Variants in FAM135A observed in about 807,000 individuals in gnomAD.
FAM135A encodes protein FAM135A.
In FAM135A, 79 loss-of-function variants were observed where a neutral mutation model predicts 146.8. That is an observed-to-expected ratio of 0.54 (90% CI 0.45 to 0.65). FAM135A has a LOEUF of 0.65. Among genes scored for constraint, FAM135A ranks in the 30% least tolerant of loss-of-function variants. The pLI, the probability that FAM135A is intolerant of heterozygous loss-of-function variation, is 0.00. For missense variants in FAM135A, 1,623 were observed against 1,758.2 expected, an observed-to-expected ratio of 0.92 and a Z score of 1.38; for synonymous variants, 562 against 603.6, an observed-to-expected ratio of 0.93 and a Z score of 1.01.
At chr6:70,539,118 A>C (rs1442773692) in intron 20 of FAM135A, among the ~76,000 whole-genome samples, 1 of 151,890 alleles carries the variant, frequency 6.6e-6, no homozygotes, top group African/African-American at 2.4e-5. Context: ...TCTTCCCAGC[A>C]TATTTTTTCC....
chr6:70,420,334 A>G (rs1454704814), intron 2 of FAM135A, among the ~76,000 whole-genome samples: 1 of 152,160 alleles, frequency 6.6e-6, no homozygotes, highest in East Asian at 1.9e-4. Flanking sequence ...TGTGTCTCTT[A>G]GTTTTGGATG....
At chr6:70,519,603 A>G (rs935354504) in intron 12 of FAM135A, among the ~76,000 whole-genome samples, 6 of 152,258 alleles carry the variant, frequency 3.9e-5, no homozygotes, top group African/African-American at 7.2e-5. Context: ...ATCAGCAGCT[A>G]TCAATATCAA....
At chr6:70,467,700 C>T (rs147264093) in intron 5 of FAM135A, among the ~76,000 whole-genome samples, 6 of 151,786 alleles carry the variant, frequency 4.0e-5, no homozygotes, top group African/African-American at 1.4e-4. Flanking sequence ...TCTCCCACTC[C>T]CTTTCTCCTT....
At chr6:70,477,927 GAAAA>G (rs534682638) in intron 8 of FAM135A, among the ~76,000 whole-genome samples, 1 of 151,888 alleles carries the variant, frequency 6.6e-6, no homozygotes, top group African/African-American at 2.4e-5. Flanking sequence ...AGTTAACAAA[GAAAA>G]AATACCATCT....
chr6:70,557,713 A>AAG (rs1801154402), intron 21 of FAM135A: 1 of 151,270 alleles, frequency 6.6e-6, no homozygotes, highest in African/African-American at 2.4e-5. Flanking sequence ...AAAAAAAAAA[A>AAG]AAAAACCCTG....
At chr6:70,413,742 G>T in intron 1 of FAM135A, 40 bp downstream of exon 1, 1 of 936,908 alleles carries the variant, frequency 1.1e-6, no homozygotes, top group Non-Finnish European at 1.3e-6. Context: ...CCCGGCTCCC[G>T]ACACCCACGA....
intron 5 of FAM135A, among the ~76,000 whole-genome samples, chr6:70,470,312 G>A (rs1781354254): frequency 6.6e-6 from 1 of 152,090 alleles, no homozygotes; most frequent in Admixed American, 6.5e-5. Context: ...TCTCTCATTA[G>A]GTTATAGTCA....
At chr6:70,518,219 A>G (rs1019516660) in intron 12 of FAM135A, among the ~76,000 whole-genome samples, 3 of 152,238 alleles carry the variant, frequency 2.0e-5, no homozygotes, top group African/African-American at 7.2e-5. Flanking sequence ...TTCTGGATAG[A>G]AGATCAAACC....
At chr6:70,486,350 T>C in intron 10 of FAM135A, 2 of 948,466 alleles carry the variant, frequency 2.1e-6, no homozygotes, top group East Asian at 2.7e-5. Flanking sequence ...AATAATGTGG[T>C]ATGTTTCCAC....
At chr6:70,457,891 G>A (rs1039424867) in intron 5 of FAM135A, among the ~76,000 whole-genome samples, 2 of 151,728 alleles carry the variant, frequency 1.3e-5, no homozygotes, top group Non-Finnish European at 2.9e-5. Context: ...TCTTAGTTAT[G>A]TCTAGATTTA....
chr6:70,503,657 GTTCC>G (rs1008381136), intron 12 of FAM135A: 16 of 152,066 alleles, frequency 1.1e-4, no homozygotes, highest in African/African-American at 3.6e-4. Flanking sequence ...GTGATGATGA[GTTCC>G]TTCCATTTTA....
In FAM135A at chr6:70,502,830, G is replaced by C. The variant is rs368539590; in HGVS notation, c.1029+39G>C. On this transcript the variant is annotated intron_variant, in intron 12 of 21. Transcript: ENST00000418814. ...AAGTGATTTTAGAGCATTTTAATGA[G>C]TATTATTTACCTTTAGAAAATTTTT... is the stretch of plus-strand genomic sequence containing the variant. 4.2e-4 allele frequency: 659 copies of C among 1,568,764 alleles called. 2 individuals carry two copies. Among genetic ancestry groups the C allele is most frequent in the Non-Finnish European group, 5.3e-4 (610 of 1,157,336 alleles).
chr6:70,483,420 A>G (rs1262881931), intron 10 of FAM135A, among the ~76,000 whole-genome samples: 2 of 152,202 alleles, frequency 1.3e-5, no homozygotes, highest in South Asian at 2.1e-4. Context: ...TGTGGAAAAG[A>G]CAATCTTCTG....
chr6:70,448,717 G>C (rs1050384484), intron 4 of FAM135A, among the ~76,000 whole-genome samples: 1 of 152,348 alleles, frequency 6.6e-6, no homozygotes, highest in Non-Finnish European at 1.5e-5. Context: ...CCAGTCATTA[G>C]CATTGTTTCT....
chr6:70,540,857 A>G (rs1230372483), intron 20 of FAM135A, among the ~76,000 whole-genome samples: 2 of 152,154 alleles, frequency 1.3e-5, no homozygotes, highest in East Asian at 3.9e-4. Context: ...CAGGGTCCCT[A>G]TCTAGTTATC....
chr6:70,558,304 TCCTA>T (rs1801290381), intron 21 of FAM135A, among the ~76,000 whole-genome samples: 1 of 152,180 alleles, frequency 6.6e-6, no homozygotes, highest in Non-Finnish European at 1.5e-5. Flanking sequence ...TCAGGCAGCA[TCCTA>T]CCTGTCTTCT....
chr6:70,541,063 A>G (rs1797829345), intron 20 of FAM135A, among the ~76,000 whole-genome samples: 1 of 152,232 alleles, frequency 6.6e-6, no homozygotes, highest in Non-Finnish European at 1.5e-5. Flanking sequence ...GTTCAGTGAA[A>G]GATTTATAAT....
chr6:70,470,710 G>A (rs1781456539), intron 5 of FAM135A, among the ~76,000 whole-genome samples: 1 of 152,190 alleles, frequency 6.6e-6, no homozygotes, highest in Admixed American at 6.5e-5. Flanking sequence ...AGGAGATTGT[G>A]CAATAGTGTG....
chr6:70,417,768 C>A, intron 2 of FAM135A: 1 of 239,770 alleles, frequency 4.2e-6, no homozygotes, highest in Non-Finnish European at 6.7e-6. Flanking sequence ...GCAAGGTCAG[C>A]CCTTATTGGC....
Sources: allele counts gnomAD v4.1 joint callset (sites outside exome capture counted in the v4.1 genomes callset), GRCh38; gene constraint gnomAD v4.1.1; transcripts MANE v1.5; gene names NCBI Gene and HGNC (gene_info 2026-07-23, HGNC 2026-07-21).